The following MRNIP variants were observed in gnomAD, a reference collection of about 807,000 sequenced individuals.
MRNIP encodes the protein MRN complex interacting protein, also known as MRN complex-interacting protein.
Under a neutral mutation model 29.8 loss-of-function variants are expected in MRNIP, and 30 were observed. The observed-to-expected ratio is 1.01, with a 90% confidence interval of 0.75 to 1.36. MRNIP has a LOEUF of 1.36. Ranked by LOEUF, MRNIP falls within the 40% of genes most tolerant of loss-of-function variation. The probability of loss-of-function intolerance (pLI) is 0.00; values close to 1 mark genes in which losing one functional copy is unlikely to be tolerated. For missense variants in MRNIP, 459 were observed against 423.5 expected (o/e 1.08, Z -0.74); for synonymous variants, 201 against 164.1 (o/e 1.23, Z -1.72).
intron 2 of MRNIP, 161 bp downstream of exon 2, chr5:179,853,217 C>T (rs1256550308): frequency 6.5e-7 from 1 of 1,540,106 alleles, no homozygotes; most frequent in South Asian, 1.2e-5. Flanking sequence ...TCTGCTCCAT[C>T]CATTTCACTT....
At chr5:179,851,848 G>C (rs1759383093) in intron 2 of MRNIP, among the ~76,000 whole-genome samples, 1 of 151,836 alleles carries the variant, frequency 6.6e-6, no homozygotes, top group Admixed American at 6.6e-5. Flanking sequence ...CGTGGTGGTG[G>C]GAGCCTGTGG....
At chr5:179,851,905 G>A (rs147890255) in intron 2 of MRNIP, among the ~76,000 whole-genome samples, 5,641 of 151,928 alleles carry the variant, frequency 0.037, 139 homozygotes, top group Non-Finnish European at 0.057. Context: ...GTAAACCCAG[G>A]GGGCGGAGCT....
Position 179,853,281 on chromosome 5 carries a change from T to C in MRNIP, c.126+97A>G, listed in dbSNP as rs370491827. ...GAGCTCCGTGTCTGGGGAACTCTGTTTGAGAGAGGATGATCCCAGCTGTGG... is the reference window on the plus strand; with the variant it reads ...GAGCTCCGTGTCTGGGGAACTCTGTCTGAGAGAGGATGATCCCAGCTGTGG... On this transcript the variant is annotated intron_variant, in intron 2 of 6. Transcript: ENST00000292586. 117 of 1,599,462 alleles carry C rather than the reference T, an allele frequency of 7.3e-5. No homozygotes were observed. In the African/African-American group the frequency reaches 1.3e-3, roughly 18 times the overall value.
intron 1 of MRNIP, among the ~76,000 whole-genome samples, chr5:179,855,302 G>A (rs1186751491): frequency 3.3e-5 from 5 of 151,876 alleles, no homozygotes; most frequent in Admixed American, 2.0e-4. Flanking sequence ...GTGCCACCAC[G>A]CCCGGCTAAC....
Position 179,851,838 on chromosome 5 carries a change from C to T in MRNIP, c.126+1540G>A, listed in dbSNP as rs763632084. ...CTAAAAATACAAAATATTAGCCGGG[C>T]GTGGTGGTGGGAGCCTGTGGTCCCA... is the stretch of plus-strand genomic sequence containing the variant. On this transcript the variant is annotated intron_variant, in intron 2 of 6. Coordinates refer to ENST00000292586, the MANE Select transcript of MRNIP (RefSeq NM_016175.4). 5.3e-5 allele frequency among the ~76,000 whole-genome samples: 8 copies of T among 151,704 alleles called. No homozygotes were observed. In the South Asian group the frequency reaches 6.2e-4, roughly 12 times the overall value.
chr5:179,840,942 G>C lies in MRNIP; in HGVS notation c.467C>G (p.Thr156Ser), dbSNP rs1289732751. 1.2e-6 allele frequency: 2 copies of C among 1,608,714 alleles called. No homozygotes were observed. The highest frequency in any genetic ancestry group is 1.7e-5 in the Admixed American group (1 of 59,648). ...GCCACGGCTGCACGGAGGCTGGACG[G>C]TGCTCCTGCTCCACTTCCTGTCAGG... Reference protein sequence around the residue: ...LPRKRKWSRSTVQPPCSRGVQ... With the variant: ...LPRKRKWSRSSVQPPCSRGVQ... Residue 156 changes from threonine (T) to serine (S), a missense_variant, in exon 6 of 7, where the codon ACC becomes AGC. Transcript: ENST00000292586.
chr5:179,856,583 C>T (rs1300927816), intron 1 of MRNIP, among the ~76,000 whole-genome samples: 2 of 152,174 alleles, frequency 1.3e-5, no homozygotes, highest in African/African-American at 2.4e-5. Context: ...GATTCTCCTG[C>T]CTCAGCGACC....
intron 4 of MRNIP, 74 bp from the exon 5 acceptor site, chr5:179,842,138 T>C (rs1036713113): frequency 6.9e-7 from 1 of 1,448,312 alleles, no homozygotes; most frequent in Admixed American, 1.8e-5. Context: ...CTAGCCCAAC[T>C]CTTGGGCCTG....
chr5:179,856,793 G>A (rs1243588369), intron 1 of MRNIP, among the ~76,000 whole-genome samples: 3 of 151,934 alleles, frequency 2.0e-5, no homozygotes, highest in African/African-American at 7.2e-5. Context: ...TCATAAGGTT[G>A]AAAATGACCA....
intron 1 of MRNIP, 103 bp from the exon 2 acceptor site, chr5:179,853,540 G>A (rs770272023): frequency 2.5e-5 from 21 of 843,490 alleles, no homozygotes; most frequent in Admixed American, 1.1e-4. Context: ...TTGGGAGGCC[G>A]AGGCGGGCAG....
intron 3 of MRNIP, among the ~76,000 whole-genome samples, chr5:179,845,545 G>A (rs925152736): frequency 6.6e-6 from 1 of 151,514 alleles, no homozygotes; most frequent in Non-Finnish European, 1.5e-5. Flanking sequence ...GGCCTCACTT[G>A]AGCCTGGGAG....
intron 2 of MRNIP, among the ~76,000 whole-genome samples, chr5:179,852,126 C>T (rs1470666718): frequency 2.6e-5 from 4 of 151,530 alleles, no homozygotes; most frequent in Admixed American, 2.0e-4. Flanking sequence ...ATTAAACATA[C>T]AAAAAACAAA....
chr5:179,844,996 A>T (rs904630029), intron 3 of MRNIP, among the ~76,000 whole-genome samples: 1 of 152,134 alleles, frequency 6.6e-6, no homozygotes, highest in African/African-American at 2.4e-5. Context: ...TTATCTCTTC[A>T]GTTATTGCTT....
In MRNIP at chr5:179,858,777, G is replaced by C. The variant is rs373940235; in HGVS notation, c.20C>G (p.Ser7Cys). 4 of 1,540,956 alleles carry C rather than the reference G, an allele frequency of 2.6e-6. No individual in the cohort carries two copies. The highest frequency in any genetic ancestry group is 1.2e-5 in the South Asian group (1 of 83,028). MASLQR[S>C]RVLRCCSCRL... The stretch of plus-strand genomic sequence containing the variant: ...GCAGCTGCAGCAGCGTAGCACCCGA[G>C]AACGCTGAAGCGACGCCATCCCTGC... The change falls in exon 1 of 7, where the codon TCT becomes TGT. Residue 7 changes from serine (S) to cysteine (C), a missense_variant. Physicochemically the swap from Ser to Cys is moderately radical, Grantham distance 112. Coordinates refer to ENST00000292586, the MANE Select transcript of MRNIP (RefSeq NM_016175.4).
chr5:179,855,737 AATC>A (rs1308982474), intron 1 of MRNIP, among the ~76,000 whole-genome samples: 5 of 152,244 alleles, frequency 3.3e-5, no homozygotes, highest in African/African-American at 4.8e-5. Context: ...CCTAATACAA[AATC>A]ATGAGGTTTT....
In MRNIP at chr5:179,842,963, G is replaced by A. The variant is rs1173961549; in HGVS notation, c.292-899C>T. 2.7e-5 allele frequency among the ~76,000 whole-genome samples: 4 copies of A among 150,616 alleles called. No homozygotes were observed. In the South Asian group the frequency reaches 6.3e-4, roughly 24 times the overall value. On this transcript the variant is annotated intron_variant, in intron 4 of 6. Coordinates refer to ENST00000292586, the MANE Select transcript of MRNIP (RefSeq NM_016175.4). The stretch of plus-strand genomic sequence containing the variant: ...CAGGAGAATTGCTTGAACTCAGGAG[G>A]CAGAAGTTGCAGTGAGCTGAGATCA...
intron 6 of MRNIP, 110 bp from the exon 7 acceptor site, chr5:179,837,995 G>T: frequency 9.7e-7 from 1 of 1,036,014 alleles, no homozygotes; most frequent in Non-Finnish European, 1.4e-6. Context: ...GACACTTTCT[G>T]CTGGAAGCTG....
At chr5:179,846,139 C>T (rs936319596) in intron 3 of MRNIP, 1 of 152,150 alleles carries the variant, frequency 6.6e-6, no homozygotes, top group Non-Finnish European at 1.5e-5. Flanking sequence ...ATTAAACATG[C>T]AATATCATGT....
chr5:179,842,117 A>G (rs1009618348), intron 4 of MRNIP, 53 bp from the exon 5 acceptor site: 56 of 1,573,658 alleles, frequency 3.6e-5, no homozygotes, highest in Non-Finnish European at 4.5e-5. Context: ...AGGCAGTTTT[A>G]TCGAAAACCC....
Sources: gnomAD v4.1 joint callset for allele counts (sites outside exome capture counted in the v4.1 genomes callset) on GRCh38, gnomAD v4.1.1 for gene constraint, MANE v1.5 for transcripts, NCBI Gene and HGNC (gene_info 2026-07-23, HGNC 2026-07-21) for gene names.